The following HIVEP3 variants were observed in gnomAD, a reference collection of about 807,000 sequenced individuals.
HIVEP3 encodes the protein transcription factor HIVEP3.
Under a neutral mutation model 152.8 loss-of-function variants are expected in HIVEP3, and 49 were observed. The ratio of observed to expected loss-of-function variants is 0.32; its 90% CI spans 0.26 to 0.41. The LOEUF (loss-of-function observed/expected upper bound fraction) is 0.41. Ranked by LOEUF, HIVEP3 falls within the 10% of genes least tolerant of loss-of-function variation. HIVEP3 has a pLI of 1.00. For synonymous variants in HIVEP3, 1,269 were observed against 1,289.0 expected (o/e 0.98, Z 0.33); for missense variants, 2,790 against 3,103.3 (o/e 0.90, Z 2.40).
At chr1:41,895,248 A>C (rs1385238580) in intron 1 of HIVEP3, among the ~76,000 whole-genome samples, 1 of 151,976 alleles carries the variant, frequency 6.6e-6, no homozygotes, top group Non-Finnish European at 1.5e-5. Context: ...TGTCCAGGAG[A>C]TCCCACTCCT....
intron 1 of HIVEP3, among the ~76,000 whole-genome samples, chr1:41,869,150 G>A (rs1391470640): frequency 6.6e-6 from 1 of 152,154 alleles, no homozygotes; most frequent in African/African-American, 2.4e-5. Flanking sequence ...CCATCGACCT[G>A]CTTGTTGAGG....
At chr1:41,921,372 C>A (rs1300628511), upstream of HIVEP3, among the ~76,000 whole-genome samples, 3 of 152,098 alleles carry the variant, frequency 2.0e-5, no homozygotes, top group Non-Finnish European at 4.4e-5. Context: ...ATCATGGAGG[C>A]AGGTTTTTCT....
At chr1:41,882,665 T>C (rs1321762375) in intron 1 of HIVEP3, among the ~76,000 whole-genome samples, 2 of 152,208 alleles carry the variant, frequency 1.3e-5, no homozygotes, top group Non-Finnish European at 1.5e-5. Flanking sequence ...CCAGTCTGTA[T>C]CCTCAGCAGA....
At chr1:41,594,957 G>C (rs1570048603) in intron 3 of HIVEP3, among the ~76,000 whole-genome samples, 1 of 152,050 alleles carries the variant, frequency 6.6e-6, no homozygotes, top group Non-Finnish European at 1.5e-5. Flanking sequence ...TCCCTAGCTA[G>C]CCAGTTGTCC....
At chr1:41,685,660 G>T (rs934705481) in intron 2 of HIVEP3, among the ~76,000 whole-genome samples, 5 of 152,164 alleles carry the variant, frequency 3.3e-5, no homozygotes, top group African/African-American at 1.2e-4. Context: ...TCACAAACCC[G>T]ATTTCTACCT....
chr1:41,863,088 A>C (rs1643908243), intron 1 of HIVEP3, among the ~76,000 whole-genome samples: 1 of 152,256 alleles, frequency 6.6e-6, no homozygotes. Context: ...TGAATTTCAC[A>C]GGCGTTCCTC....
chr1:41,878,397 C>T (rs1644204700), intron 1 of HIVEP3, among the ~76,000 whole-genome samples: 2 of 152,096 alleles, frequency 1.3e-5, no homozygotes, highest in Non-Finnish European at 1.5e-5. Flanking sequence ...TGGAACCAGA[C>T]CCCCAAGGCT....
chr1:41,668,557 C>T (rs1027933135), intron 2 of HIVEP3, among the ~76,000 whole-genome samples: 5 of 152,186 alleles, frequency 3.3e-5, no homozygotes, highest in African/African-American at 4.8e-5. Flanking sequence ...CTCACTAGTC[C>T]GTAAACATAA....
intron 2 of HIVEP3, among the ~76,000 whole-genome samples, chr1:41,661,959 T>C (rs1444676499): frequency 6.6e-6 from 1 of 152,094 alleles, no homozygotes; most frequent in African/African-American, 2.4e-5. Flanking sequence ...CCGGGGCCCC[T>C]CACTCCAAGG....
chr1:41,601,600 C>A (rs1214744971), intron 3 of HIVEP3, among the ~76,000 whole-genome samples: 1 of 152,070 alleles, frequency 6.6e-6, no homozygotes, highest in South Asian at 2.1e-4. Flanking sequence ...GATTTTGTAT[C>A]CTGCAACTTT....
chr1:41,558,460 G>A (rs1324137119), intron 5 of HIVEP3, among the ~76,000 whole-genome samples: 1 of 152,240 alleles, frequency 6.6e-6, no homozygotes, highest in Non-Finnish European at 1.5e-5. Context: ...GGGGAGATGA[G>A]GATTTGGGGA....
chr1:41,653,590 C>T (rs1445293272), intron 2 of HIVEP3, among the ~76,000 whole-genome samples: 1 of 152,114 alleles, frequency 6.6e-6, no homozygotes, highest in Non-Finnish European at 1.5e-5. Context: ...ATATCCTACC[C>T]TTTTAAAAAA....
chr1:41,649,605 G>A (rs1014462412), intron 2 of HIVEP3, among the ~76,000 whole-genome samples: 2 of 152,154 alleles, frequency 1.3e-5, no homozygotes, highest in African/African-American at 4.8e-5. Flanking sequence ...TTGGGGCTTC[G>A]AAGACTAGGA....
rs371696795 is a variant in HIVEP3 at position 41,584,480 on chromosome 1, C to T, written c.318G>A (p.Ser106=). ...CCAGGAGATGCTCAGGTTTGCCAGG[C>T]GACATGAATGCTGGTGTCAGAGGGT... is the stretch of plus-strand genomic sequence containing the variant. The part of the protein sequence containing the change: ...PQHPLTPAFM[S]PGKPEHLLEG... The change falls in exon 4 of 9, where the codon TCG becomes TCA. Residue 106 remains serine, a synonymous_variant. Transcript: ENST00000372583. The surrounding 1 kb of genome is among the most constrained non-coding windows in gnomAD (Gnocchi z 5.2). 1.2e-5 allele frequency: 20 copies of T among 1,613,864 alleles called. No individual in the cohort carries two copies. Among genetic ancestry groups the T allele is most frequent in the East Asian group, 1.1e-4 (5 of 44,880 alleles).
At chr1:41,522,910 A>C (rs929010365) in intron 6 of HIVEP3, among the ~76,000 whole-genome samples, 2 of 152,126 alleles carry the variant, frequency 1.3e-5, no homozygotes, top group Admixed American at 6.5e-5. Context: ...GACACAGGCC[A>C]CTCCAAGTGC....
At position 41,581,380 on chromosome 1, in the gene HIVEP3, G is replaced by C; in HGVS notation, c.3418C>G (p.Pro1140Ala). ...AAGGAGAAAAGGGAGACTGGTGGGG[G>C]CAGGTATGGCTTCTCATGCAGGGGT... ...QTPLHEKPYLPPPVSLFSFQH... is the reference protein window; with the variant it reads ...QTPLHEKPYLAPPVSLFSFQH... The change falls in exon 4 of 9, where the codon CCC becomes GCC. Residue 1140 changes from proline (P) to alanine (A), a missense_variant. This residue lies in a region of HIVEP3 where 1,078 missense variants were observed against 1,165.3 expected (regional missense o/e 0.93). Transcript: ENST00000372583. This position sits in a 1 kb window ranked among gnomAD's most constrained non-coding sequence, Gnocchi z 4.5. The C allele has an allele frequency of 6.2e-7, 1 of 1,612,192 alleles. No homozygotes were observed.
In HIVEP3 at chr1:41,819,917, G is replaced by C. The variant is rs1483115480; in HGVS notation, c.-801+98496C>G. On this transcript the variant is annotated intron_variant, in intron 1 of 8. Coordinates refer to ENST00000372583, the MANE Select transcript of HIVEP3 (RefSeq NM_024503.5). ...AAATGTGCTATAGTCAAGACTTTCA[G>C]CTTTGCAGGCCATACAGTCTCTGTC... Among the ~76,000 whole-genome samples the C allele has an allele frequency of 3.9e-5, 6 of 152,134 alleles. 1 individual carries two copies. Among genetic ancestry groups the C allele is most frequent in the Non-Finnish European group, 8.8e-5 (6 of 68,036 alleles).
At chr1:41,977,404 C>G (rs953283854) in intron 1 of HIVEP3, among the ~76,000 whole-genome samples, 1 of 152,128 alleles carries the variant, frequency 6.6e-6, no homozygotes, top group Non-Finnish European at 1.5e-5. Flanking sequence ...GCCCCACGCT[C>G]CCCCACTCCC....
chr1:41,835,426 A>G lies in HIVEP3; in HGVS notation c.-801+82987T>C, dbSNP rs1231772396. On this transcript the variant is annotated intron_variant, in intron 1 of 8. Transcript: ENST00000372583. ...AGTGAGCTCTCTGGTGTCTCTTCAC[A>G]TAAGGACATCAATCCTATTAGTGAC... is the stretch of plus-strand genomic sequence containing the variant. Among the ~76,000 whole-genome samples, 6 of 152,230 alleles carry G rather than the reference A, an allele frequency of 3.9e-5. 1 individual carries two copies. Among genetic ancestry groups the G allele is most frequent in the Admixed American group, 3.9e-4 (6 of 15,294 alleles).
Sources: allele counts gnomAD v4.1 joint callset (sites outside exome capture counted in the v4.1 genomes callset), GRCh38; gene constraint gnomAD v4.1.1; regional missense constraint gnomAD v4.1.1; non-coding constraint Gnocchi (gnomAD v3.1); transcripts MANE v1.5; gene names NCBI Gene and HGNC (gene_info 2026-07-23, HGNC 2026-07-21).